Variants in EPC1 observed in about 807,000 individuals in gnomAD.
EPC1 encodes the protein enhancer of polycomb 1, also known as enhancer of polycomb homolog 1.
A neutral mutation model predicts 98.4 loss-of-function variants in EPC1; 12 were observed. That is an observed-to-expected ratio of 0.12 (90% CI 0.08 to 0.20). The LOEUF is 0.20. Among genes scored for constraint, EPC1 ranks in the 10% least tolerant of loss-of-function variants. EPC1 has a pLI of 1.00. For missense variants in EPC1, 729 were observed against 990.5 expected (o/e 0.74, Z 3.54); for synonymous variants, 357 against 363.9 (o/e 0.98, Z 0.21).
chr10:32,317,806 T>G (rs1459537474), intron 1 of EPC1, among the ~76,000 whole-genome samples: 1 of 152,210 alleles, frequency 6.6e-6, no homozygotes, highest in Non-Finnish European at 1.5e-5. Flanking sequence ...TCTCTACCTA[T>G]CCTCTTGCTT....
intron 1 of EPC1, among the ~76,000 whole-genome samples, chr10:32,306,205 A>C (rs1835868233): frequency 6.6e-6 from 1 of 152,258 alleles, no homozygotes; most frequent in African/African-American, 2.4e-5. Flanking sequence ...ATAGTTGACA[A>C]AAACAAAGCT....
chr10:32,359,238 T>G (rs1839370233), intron 1 of EPC1, among the ~76,000 whole-genome samples: 1 of 152,168 alleles, frequency 6.6e-6, no homozygotes, highest in Non-Finnish European at 1.5e-5. Context: ...TTTAAAATAT[T>G]ATCCTTATCA....
intron 1 of EPC1, among the ~76,000 whole-genome samples, chr10:32,317,503 G>A (rs751196198): frequency 6.6e-6 from 1 of 152,222 alleles, no homozygotes; most frequent in Non-Finnish European, 1.5e-5. Context: ...TTAGCCGGGT[G>A]TGGTGGCACA....
chr10:32,328,252 GCT>G (rs1291340260), intron 1 of EPC1, among the ~76,000 whole-genome samples: 3 of 152,152 alleles, frequency 2.0e-5, no homozygotes, highest in African/African-American at 7.2e-5. Flanking sequence ...CCCAATTAAT[GCT>G]CTCAGTTGAA....
At chr10:32,293,439 G>A (rs994689618) in intron 3 of EPC1, among the ~76,000 whole-genome samples, 153 bp downstream of exon 3, 5 of 152,058 alleles carry the variant, frequency 3.3e-5, no homozygotes, top group Non-Finnish European at 7.4e-5. Context: ...GATTACACAG[G>A]TTACTGATAA....
intron 1 of EPC1, among the ~76,000 whole-genome samples, chr10:32,319,984 C>G (rs1836795338): frequency 6.6e-6 from 1 of 152,084 alleles, no homozygotes. Context: ...CAGCCGACAT[C>G]CATGAAACTA....
chr10:32,278,371 G>GTTTT (rs58729377), intron 10 of EPC1, among the ~76,000 whole-genome samples: 11 of 102,596 alleles, frequency 1.1e-4, no homozygotes, highest in Admixed American at 3.6e-4. Flanking sequence ...GTTTTTTTTT[G>GTTTT]TTTTTTTTTT....
chr10:32,308,206 C>T (rs1484645673), intron 1 of EPC1, among the ~76,000 whole-genome samples: 5 of 152,072 alleles, frequency 3.3e-5, no homozygotes, highest in Admixed American at 3.3e-4. Flanking sequence ...CATGGTGAAA[C>T]CCCATCTCTA....
chr10:32,364,983 A>G (rs1322515892), intron 1 of EPC1, among the ~76,000 whole-genome samples: 2 of 150,586 alleles, frequency 1.3e-5, no homozygotes, highest in African/African-American at 2.5e-5. Context: ...GCTTCTTCCA[A>G]TGTGGCCCAG....
At position 32,347,014 on chromosome 10, in the gene EPC1, G is replaced by T; in HGVS notation, c.-99C>A. On this transcript the variant is annotated 5_prime_UTR_variant, in exon 1 of 14. Transcript: ENST00000319778. ...CGGTCCCCACTCGCCAACCGCTGCC[G>T]GGGACTTGAGGGGCGGAGCGCAGAG... The T allele has an allele frequency of 6.6e-7, 1 of 1,515,704 alleles. No individual in the cohort carries two copies. Among genetic ancestry groups the T allele is most frequent in the Non-Finnish European group, 8.8e-7 (1 of 1,138,818 alleles). 93.9% of individuals were successfully genotyped at this position (1,515,704 alleles called of 1,614,324 possible).
At chr10:32,341,953 C>A (rs1185247300) in intron 1 of EPC1, among the ~76,000 whole-genome samples, 4 of 152,194 alleles carry the variant, frequency 2.6e-5, no homozygotes, top group African/African-American at 9.7e-5. Flanking sequence ...ATTTTATAGG[C>A]ATATGGTGGG....
At chr10:32,320,236 TA>T (rs912659303) in intron 1 of EPC1, among the ~76,000 whole-genome samples, 1 of 151,654 alleles carries the variant, frequency 6.6e-6, no homozygotes, top group African/African-American at 2.4e-5. Flanking sequence ...ACTTTTTTTT[TA>T]AAAAGTACAA....
intron 1 of EPC1, among the ~76,000 whole-genome samples, chr10:32,358,010 T>A (rs140641515): frequency 0.012 from 1,883 of 151,832 alleles, 45 homozygotes; most frequent in African/African-American, 0.044. Flanking sequence ...GCCTGCCACC[T>A]TACCCAGCTA....
chr10:32,369,997 G>T (rs1224203233), intron 1 of EPC1, among the ~76,000 whole-genome samples: 1 of 152,134 alleles, frequency 6.6e-6, no homozygotes, highest in Non-Finnish European at 1.5e-5. Flanking sequence ...TTATGAATAT[G>T]ATAAGATTTG....
chr10:32,316,331 G>A (rs1836544754), intron 1 of EPC1, among the ~76,000 whole-genome samples: 1 of 152,168 alleles, frequency 6.6e-6, no homozygotes, highest in Non-Finnish European at 1.5e-5. Context: ...ATTTACTCAA[G>A]AGAAAGGAAA....
At chr10:32,295,065 T>G (rs1336408844) in intron 2 of EPC1, among the ~76,000 whole-genome samples, 1 of 152,138 alleles carries the variant, frequency 6.6e-6, no homozygotes, top group African/African-American at 2.4e-5. Flanking sequence ...CCTAACCACT[T>G]TCATCTTTTT....
chr10:32,347,089 C>T lies in EPC1; in HGVS notation c.-174G>A, dbSNP rs748842018. 2.1e-6 allele frequency: 3 copies of T among 1,443,394 alleles called. No homozygotes were observed. Among genetic ancestry groups the T allele is most frequent in the African/African-American group, 2.9e-5 (2 of 69,762 alleles). The allele number at this position is 1,443,394 out of a possible 1,614,324, so 89.4% of individuals were successfully genotyped here. A position where few individuals can be genotyped will look rare whatever the true frequency, so the allele number is the denominator to read the frequency against. On this transcript the variant is annotated 5_prime_UTR_variant, in exon 1 of 14. Coordinates refer to ENST00000319778, the MANE Select transcript of EPC1 (RefSeq NM_001272004.3). ...GCCGGGAGGGTGGGAGGCTGTGCCG[C>T]TCCGCTCCTCTCTCGCTCGCTCTCT... is the stretch of plus-strand genomic sequence containing the variant.
chr10:32,344,355 A>G (rs145902195), intron 1 of EPC1, among the ~76,000 whole-genome samples: 3 of 152,274 alleles, frequency 2.0e-5, no homozygotes, highest in Admixed American at 6.5e-5. Flanking sequence ...CTCCTCATAC[A>G]TAGCTTTGGT....
chr10:32,368,058 C>T (rs1176472090), intron 1 of EPC1, among the ~76,000 whole-genome samples: 1 of 152,216 alleles, frequency 6.6e-6, no homozygotes, highest in Non-Finnish European at 1.5e-5. Flanking sequence ...CCAACCTTTT[C>T]TACTTCTCTT....
Sources: gnomAD v4.1 joint callset for allele counts (sites outside exome capture counted in the v4.1 genomes callset) on GRCh38, gnomAD v4.1.1 for gene constraint, MANE v1.5 for transcripts, NCBI Gene and HGNC (gene_info 2026-07-23, HGNC 2026-07-21) for gene names.